The following RHBDD2 variants were observed in gnomAD, a reference collection of about 807,000 sequenced individuals.
The protein encoded by RHBDD2 is rhomboid domain containing 2.
RHBDD2 carries 13 observed loss-of-function variants against 21.7 expected under a neutral mutation model. The observed-to-expected ratio is 0.60, with a 90% CI of 0.39 to 0.95. RHBDD2 has a LOEUF of 0.95. RHBDD2 is among the 40% of genes least tolerant of loss of function. The pLI is 0.00. For synonymous variants in RHBDD2, 225 were observed against 220.0 expected (o/e 1.02, Z -0.20); for missense variants, 473 against 478.9 (o/e 0.99, Z 0.11).
At chr7:75,882,295 A>C in intron 2 of RHBDD2, 59 bp downstream of exon 2, 1 of 1,467,352 alleles carries the variant, frequency 6.8e-7, no homozygotes, top group Non-Finnish European at 9.2e-7. Context: ...ACCAGGCTGG[A>C]GGGTCTGGGG....
In RHBDD2 at chr7:75,881,931, TG is replaced by T; in HGVS notation, c.284del (p.Gly95AlafsTer10). On this transcript the variant is annotated frameshift_variant, in exon 2 of 4. Coordinates refer to ENST00000006777, the MANE Select transcript of RHBDD2 (RefSeq NM_001040456.3). LOFTEE classifies it high-confidence loss of function. ...WRFAGNFERTVGTVRHCFFTV... is the reference protein window; with the variant it reads ...WRFAGNFERTXGTVRHCFFTV... ...TTTGCTGGCAATTTCGAGAGAACCGTGGGCACCGTCCGCCACTGCTTCTTCA... is the reference window on the plus strand; with the variant it reads ...TTTGCTGGCAATTTCGAGAGAACCGTGGCACCGTCCGCCACTGCTTCTTCA... The T allele has an allele frequency of 6.2e-7, 1 of 1,614,238 alleles. No homozygotes were observed. Among genetic ancestry groups the T allele is most frequent in the South Asian group, 1.1e-5 (1 of 91,086 alleles).
chr7:75,886,920 T>C (rs965888920), intron 3 of RHBDD2, among the ~76,000 whole-genome samples: 8 of 152,212 alleles, frequency 5.3e-5, no homozygotes, highest in African/African-American at 1.9e-4. Context: ...AGGCAGATCT[T>C]AGGGTTTAAG....
intron 1 of RHBDD2, 123 bp from the exon 2 acceptor site, chr7:75,881,706 A>C: frequency 9.4e-7 from 1 of 1,067,380 alleles, no homozygotes; most frequent in Non-Finnish European, 1.4e-6. Context: ...TCCTGCTGCG[A>C]CTCACTGGCT....
At position 75,883,853 on chromosome 7, in the gene RHBDD2, GT is replaced by G. The variant is rs1805487638; in HGVS notation, c.737+6del. ...GAGGGCAGCCCAGAGCCGGAAGTAA[GT>G]GACAGAACTCTTAAGTGCTGTTAAA... is the stretch of plus-strand genomic sequence containing the variant. On this transcript the variant is annotated splice_donor_region_variant and intron_variant, in intron 3 of 3. Coordinates refer to ENST00000006777, the MANE Select transcript of RHBDD2 (RefSeq NM_001040456.3). 1.2e-6 allele frequency: 2 copies of G among 1,604,472 alleles called. No individual in the cohort carries two copies. The highest frequency in any genetic ancestry group is 2.7e-5 in the African/African-American group (2 of 74,212).
chr7:75,885,910 A>G (rs1252040459), intron 3 of RHBDD2, among the ~76,000 whole-genome samples: 1 of 152,122 alleles, frequency 6.6e-6, no homozygotes, highest in Non-Finnish European at 1.5e-5. Context: ...TCTGTGGCCC[A>G]GGCTGGAGTG....
In RHBDD2 at chr7:75,879,294, T is replaced by C. The variant is rs1554542036; in HGVS notation, c.178+34T>C. On this transcript the variant is annotated intron_variant, in intron 1 of 3. Transcript: ENST00000006777. ...GGGCGGGCCGGGATCGCGGGGCGAGTCCTTGTCCTCCGACTTTGCCGGTTC... is the reference window on the plus strand; with the variant it reads ...GGGCGGGCCGGGATCGCGGGGCGAGCCCTTGTCCTCCGACTTTGCCGGTTC... The C allele has an allele frequency of 2.1e-6, 3 of 1,428,714 alleles. No individual in the cohort carries two copies. In the East Asian group the frequency reaches 8.9e-5, roughly 42 times the overall value. The allele number at this position is 1,428,714 out of a possible 1,614,324, so 88.5% of individuals were successfully genotyped here. A position where few individuals can be genotyped will look rare whatever the true frequency, so the allele number is the denominator to read the frequency against.
rs1805347612 is a variant in RHBDD2, at chr7:75,881,915, A to C, written c.265A>C (p.Asn89His). ...TATCATCATCTGGCGCTTTGCTGGC[A>C]ATTTCGAGAGAACCGTGGGCACCGT... Reference protein sequence around the residue: ...GAIIIWRFAGNFERTVGTVRH... With the variant: ...GAIIIWRFAGHFERTVGTVRH... The change falls in exon 2 of 4, where the codon AAT becomes CAT. Residue 89 changes from asparagine (N) to histidine (H), a missense_variant. Coordinates refer to ENST00000006777, the MANE Select transcript of RHBDD2 (RefSeq NM_001040456.3). The C allele has an allele frequency of 1.9e-6, 3 of 1,614,226 alleles. No individual in the cohort carries two copies. The highest frequency in any genetic ancestry group is 2.5e-6 in the Non-Finnish European group (3 of 1,180,050).
intron 1 of RHBDD2, chr7:75,881,314 T>A: frequency 7.8e-7 from 1 of 1,280,556 alleles, no homozygotes; most frequent in South Asian, 1.2e-5. Flanking sequence ...AGTGTTATAA[T>A]TCTTACAGCT....
In RHBDD2 at chr7:75,883,720, C is replaced by T. The variant is rs781793809; in HGVS notation, c.609C>T (p.Ser203=). The change falls in exon 3 of 4, where the codon TCC becomes TCT. Residue 203 remains serine (S), a synonymous_variant. Transcript: ENST00000006777. ...CAGATGGCCTCACCTACTGCTATTC[C>T]ATCGACCTCTCAGAGCGAGTGGCAC... The part of the protein sequence containing the change: ...GLAYGLTYCY[S]IDLSERVALK... 3 of 1,613,456 alleles carry T rather than the reference C, an allele frequency of 1.9e-6. No individual in the cohort carries two copies. The South Asian group carries it at 3.3e-5, about 18-fold the overall frequency.
chr7:75,882,215 G>A lies in RHBDD2; in HGVS notation c.565G>A (p.Gly189Arg), dbSNP rs1165389533. The change falls in exon 2 of 4, where the codon GGG (glycine) becomes AGG (arginine). Residue 189 changes from glycine (G) to arginine (R), a missense_variant. By Grantham distance (125) the Gly-to-Arg change is moderately radical. Transcript: ENST00000006777. ...GACCTCTTTCCTCAGTAATGTCTGCGGGCTGTCCATCGGGCTGGCCTGTAT... is the reference window on the plus strand; with the variant it reads ...GACCTCTTTCCTCAGTAATGTCTGCAGGCTGTCCATCGGGCTGGCCTGTAT... ...PQTSFLSNVC[G>R]LSIGLAYGLT... is the part of the protein sequence containing the mutation. 13 of 1,612,974 alleles carry A rather than the reference G, an allele frequency of 8.1e-6. No individual in the cohort carries two copies. Among genetic ancestry groups the A allele is most frequent in the Non-Finnish European group, 1.0e-5 (12 of 1,179,420 alleles).
rs782255329 is a variant in RHBDD2, at chr7:75,882,158, C to T, written c.508C>T (p.Leu170Phe). 1 of 1,614,154 alleles carries T rather than the reference C, an allele frequency of 6.2e-7. No individual in the cohort carries two copies. Residue 170 changes from leucine (L) to phenylalanine (F), a missense_variant, in exon 2 of 4, where the codon CTC becomes TTC. Coordinates refer to ENST00000006777, the MANE Select transcript of RHBDD2 (RefSeq NM_001040456.3). ...TGTGCCCTCAGTCCTGGTTCCGTGG[C>T]TCCTGCTGGGTGCCTCGTGGCTCAT... ...MVVPSVLVPW[L>F]LLGASWLIPQ...
chr7:75,887,940 T>A (rs1317691393), intron 3 of RHBDD2, 52 bp from the exon 4 acceptor site: 3 of 1,501,248 alleles, frequency 2.0e-6, no homozygotes, highest in Non-Finnish European at 2.8e-6. Context: ...CAAGATGCCA[T>A]GACCTTGCCA....
chr7:75,887,939 A>T, intron 3 of RHBDD2, 53 bp from the exon 4 acceptor site: 1 of 1,494,778 alleles, frequency 6.7e-7, no homozygotes, highest in Non-Finnish European at 9.2e-7. Context: ...ACAAGATGCC[A>T]TGACCTTGCC....
chr7:75,880,779 G>A (rs1466349525), intron 1 of RHBDD2, among the ~76,000 whole-genome samples: 1 of 152,174 alleles, frequency 6.6e-6, no homozygotes, highest in Admixed American at 6.6e-5. Context: ...AGGCTGGAGT[G>A]CAGAGATGCA....
At chr7:75,887,328 T>A (rs1419302358) in intron 3 of RHBDD2, among the ~76,000 whole-genome samples, 1 of 150,374 alleles carries the variant, frequency 6.7e-6, no homozygotes, top group South Asian at 2.1e-4. Flanking sequence ...AAAACAATTT[T>A]TTTTTTTGAG....
At chr7:75,887,310 A>G (rs1180640601) in intron 3 of RHBDD2, among the ~76,000 whole-genome samples, 1 of 149,282 alleles carries the variant, frequency 6.7e-6, no homozygotes, top group African/African-American at 2.5e-5. Context: ...GCTAATTAAA[A>G]AAAAAAAAAA....
chr7:75,882,060 C>T lies in RHBDD2; in HGVS notation c.410C>T (p.Pro137Leu). Reference sequence around the variant, plus strand: ...GTGGAGGATGCCAGAGGTTTCACCCCAGTGGCCTTTGCCATGCTGGGAGTC... The same window carrying T: ...GTGGAGGATGCCAGAGGTTTCACCCTAGTGGCCTTTGCCATGCTGGGAGTC... ...GEVEDARGFT[P>L]VAFAMLGVTT... The change falls in exon 2 of 4, where the codon CCA (proline) becomes CTA (leucine). Residue 137 changes from proline (P) to leucine (L), a missense_variant. Coordinates refer to ENST00000006777, the MANE Select transcript of RHBDD2 (RefSeq NM_001040456.3). The T allele has an allele frequency of 1.2e-6, 2 of 1,614,206 alleles. No homozygotes were observed. The highest frequency in any genetic ancestry group is 1.7e-6 in the Non-Finnish European group (2 of 1,180,044).
At chr7:75,884,296 G>A (rs1310156423) in intron 3 of RHBDD2, among the ~76,000 whole-genome samples, 20 of 152,120 alleles carry the variant, frequency 1.3e-4, no homozygotes, top group East Asian at 3.9e-4. Flanking sequence ...ATCATAGCCC[G>A]CTACAGCCTC....
At position 75,881,375 on chromosome 7, in the gene RHBDD2, A is replaced by G. The variant is rs1003622913; in HGVS notation, c.179-454A>G. ...TCTTCCTCTGAACAGCCACTATGGA[A>G]GGAGGGGTCAGGATTACAGCAGAGG... On this transcript the variant is annotated intron_variant, in intron 1 of 3. Coordinates refer to ENST00000006777, the MANE Select transcript of RHBDD2 (RefSeq NM_001040456.3). 5.4e-6 allele frequency: 7 copies of G among 1,291,788 alleles called. No homozygotes were observed. The African/African-American group carries it at 1.1e-4, about 20-fold the overall frequency. The allele number at this position is 1,291,788 out of a possible 1,614,324, so 80.0% of individuals were successfully genotyped here.
Sources: gnomAD v4.1 joint callset for allele counts (sites outside exome capture counted in the v4.1 genomes callset) on GRCh38, gnomAD v4.1.1 for gene constraint, MANE v1.5 for transcripts, NCBI Gene and HGNC (gene_info 2026-07-23, HGNC 2026-07-21) for gene names.